Variants in KLHL13 observed in about 807,000 individuals in gnomAD.
KLHL13 encodes kelch like family member 13.
Under a neutral mutation model 37.1 loss-of-function variants are expected in KLHL13, and 10 were observed. The ratio of observed to expected loss-of-function variants is 0.27; its 90% CI spans 0.17 to 0.46. KLHL13 has a LOEUF of 0.46. KLHL13 is among the 20% of genes least tolerant of loss of function. KLHL13 has a pLI of 1.00. For synonymous variants in KLHL13, 163 were observed against 181.2 expected (o/e 0.90, Z 0.81); for missense variants, 360 against 509.3 (o/e 0.71, Z 2.82).
At chrX:118,015,195 A>C (rs2054114270) in intron 1 of KLHL13, among the ~76,000 whole-genome samples, 1 of 111,528 alleles carries the variant, frequency 9.0e-6, no homozygotes, top group African/African-American at 3.3e-5. Context: ...CTCACCCTTA[A>C]CCACACTACT....
At chrX:118,108,730 G>A (rs1251688873) in intron 1 of KLHL13, among the ~76,000 whole-genome samples, 4 of 112,554 alleles carry the variant, frequency 3.6e-5, no homozygotes, top group African/African-American at 1.3e-4. Flanking sequence ...ACAAGGCAAA[G>A]CTTTGACACC....
chrX:117,913,279 T>G (rs1931107040), intron 4 of KLHL13, among the ~76,000 whole-genome samples: 1 of 112,077 alleles, frequency 8.9e-6, no homozygotes, highest in African/African-American at 3.2e-5. Context: ...ATACATGTGT[T>G]TGTTTATCCA....
intron 2 of KLHL13, among the ~76,000 whole-genome samples, chrX:117,925,201 G>A (rs1412399324): frequency 9.0e-6 from 1 of 111,421 alleles, no homozygotes; most frequent in East Asian, 2.8e-4. Context: ...GAAATATAAT[G>A]CTATTGTGAA....
chrX:118,022,608 A>G (rs1332988479), intron 1 of KLHL13, among the ~76,000 whole-genome samples: 1 of 111,929 alleles, frequency 8.9e-6, no homozygotes, highest in Non-Finnish European at 1.9e-5. Flanking sequence ...ACCTTTTTAT[A>G]TGCCTGTTGG....
At chrX:117,937,416 A>G (rs1020830807) in intron 2 of KLHL13, among the ~76,000 whole-genome samples, 35 of 111,787 alleles carry the variant, frequency 3.1e-4, no homozygotes, top group Admixed American at 6.7e-4. Context: ...TTACTTTCAC[A>G]TCACTGTTCT....
At chrX:118,033,633 A>C (rs1360674444) in intron 1 of KLHL13, among the ~76,000 whole-genome samples, 1 of 109,986 alleles carries the variant, frequency 9.1e-6, no homozygotes, top group Non-Finnish European at 1.9e-5. Flanking sequence ...CTGCTGCAAA[A>C]TCATGCCAAA....
intron 1 of KLHL13, among the ~76,000 whole-genome samples, chrX:118,015,439 G>A (rs1025123658): frequency 3.6e-5 from 4 of 110,763 alleles, no homozygotes; most frequent in African/African-American, 1.3e-4. Flanking sequence ...TTTTAGTCTG[G>A]GACTCAGAAA....
chrX:118,089,620 G>GAAAGAAAGAAGAAAGAAAGAAAGAAAGAA (rs773944967), intron 1 of KLHL13, among the ~76,000 whole-genome samples: 1 of 71,907 alleles, frequency 1.4e-5, no homozygotes, highest in African/African-American at 5.8e-5. Flanking sequence ...GAGAAAGAAA[G>GAAAGAAAGAAGAAAGAAAGAAAGAAAGAA]AGAAAGAAAG....
intron 1 of KLHL13, among the ~76,000 whole-genome samples, chrX:118,094,573 C>T (rs1364683701): frequency 9.1e-6 from 1 of 109,644 alleles, no homozygotes; most frequent in Non-Finnish European, 1.9e-5. Flanking sequence ...AGAGCAACTC[C>T]AAGACACATA....
intron 1 of KLHL13, among the ~76,000 whole-genome samples, chrX:117,992,949 A>G (rs2053811331): frequency 8.9e-6 from 1 of 112,209 alleles, no homozygotes; most frequent in South Asian, 3.7e-4. Flanking sequence ...TTAGGGTGGA[A>G]GTTCAAAACT....
chrX:117,977,720 T>C (rs1313434315), upstream of KLHL13, among the ~76,000 whole-genome samples: 1 of 112,389 alleles, frequency 8.9e-6, no homozygotes, highest in African/African-American at 3.2e-5. Flanking sequence ...GTGTGCTTTG[T>C]TTATGTTCCA....
At chrX:118,052,462 G>A (rs1301289883) in intron 1 of KLHL13, among the ~76,000 whole-genome samples, 2 of 106,129 alleles carry the variant, frequency 1.9e-5, no homozygotes, top group African/African-American at 6.9e-5. Flanking sequence ...GGCAGAGCTT[G>A]CAGTGAGCGG....
intron 1 of KLHL13, 151 bp downstream of exon 2, chrX:118,028,273 T>G (rs2054295982): frequency 3.0e-6 from 1 of 338,671 alleles, no homozygotes; most frequent in African/African-American, 2.6e-5. Context: ...CTTTATTCAA[T>G]TTCTTTGTCA....
chrX:117,966,028 C>T (rs2147879527), intron 1 of KLHL13, among the ~76,000 whole-genome samples: 1 of 111,600 alleles, frequency 9.0e-6, no homozygotes, highest in Admixed American at 9.5e-5. Context: ...CACTCCTATT[C>T]AACATAGTGT....
At chrX:117,901,187 T>C (rs183279366) in intron 6 of KLHL13, among the ~76,000 whole-genome samples, 91 of 111,745 alleles carry the variant, frequency 8.1e-4, no homozygotes, top group African/African-American at 2.9e-3. Context: ...ATTATGCATA[T>C]TGGAAGCACG....
intron 1 of KLHL13, among the ~76,000 whole-genome samples, chrX:118,072,874 A>C (rs2054885644): frequency 9.0e-6 from 1 of 110,975 alleles, no homozygotes; most frequent in East Asian, 2.8e-4. Flanking sequence ...GTGGGAAGAC[A>C]CTTGAGCCCA....
At chrX:117,905,892 T>C (rs1017775627) in intron 5 of KLHL13, among the ~76,000 whole-genome samples, 2 of 111,611 alleles carry the variant, frequency 1.8e-5, no homozygotes, top group African/African-American at 6.5e-5. Context: ...TGCTATCAAA[T>C]ACTAGGCCTT....
chrX:118,050,410 T>A (rs1481255264), intron 1 of KLHL13, among the ~76,000 whole-genome samples: 3 of 112,239 alleles, frequency 2.7e-5, no homozygotes, highest in Non-Finnish European at 5.6e-5. Flanking sequence ...AACTTCATCT[T>A]ACAAACATTC....
chrX:117,921,554 C>T (rs1283254038), intron 2 of KLHL13, among the ~76,000 whole-genome samples: 1 of 111,553 alleles, frequency 9.0e-6, no homozygotes, highest in Non-Finnish European at 1.9e-5. Context: ...AAGACAGATA[C>T]ACAAAATACA....
Sources: allele counts gnomAD v4.1 joint callset (sites outside exome capture counted in the v4.1 genomes callset), GRCh38; gene constraint gnomAD v4.1.1; transcripts MANE v1.5; gene names NCBI Gene and HGNC (gene_info 2026-07-23, HGNC 2026-07-21).